RAD50: variants seen among roughly 807,000 people sequenced by gnomAD.
RAD50 encodes the protein RAD50 double strand break repair protein.
A neutral mutation model predicts 168.8 loss-of-function variants in RAD50; 132 were observed. That is an observed-to-expected ratio of 0.78 (90% confidence interval 0.68 to 0.90). The LOEUF (loss-of-function observed/expected upper bound fraction) is 0.90. RAD50 is among the 40% of genes least tolerant of loss of function. RAD50 has a pLI of 0.00. For synonymous variants in RAD50, 525 were observed against 497.4 expected (o/e 1.06, Z -0.74); for missense variants, 1,347 against 1,534.4 (o/e 0.88, Z 2.04).
chr5:132,575,844 T>G lies in RAD50; in HGVS notation c.281T>G (p.Ile94Arg), dbSNP rs768127412. ...LQFRDVNGEL[I>R]AVQRSMVCTQ... ...TTTCGTGATGTCAATGGAGAACTTA[T>G]AGCTGTGCAAAGATCTATGGTGTGT... The change falls in exon 3 of 25, where the codon ATA becomes AGA. Residue 94 changes from isoleucine to arginine, a missense_variant. By Grantham distance (97) the Ile-to-Arg change is moderately conservative (BLOSUM62 -3). This residue lies in a region of RAD50 where 703 missense variants were observed against 767.7 expected (regional missense o/e 0.92). Coordinates refer to ENST00000378823, the MANE Select transcript of RAD50 (RefSeq NM_005732.4). 2.5e-6 allele frequency: 4 copies of G among 1,603,032 alleles called. No homozygotes were observed. Among genetic ancestry groups the G allele is most frequent in the South Asian group, 1.1e-5 (1 of 90,860 alleles).
chr5:132,580,843 A>C (rs1219055895), intron 5 of RAD50, among the ~76,000 whole-genome samples: 1 of 152,138 alleles, frequency 6.6e-6, no homozygotes, highest in Non-Finnish European at 1.5e-5. Context: ...AAAAATGGCT[A>C]TTTGCTATGT....
chr5:132,613,492 A>G (rs1751122784), intron 19 of RAD50, among the ~76,000 whole-genome samples: 1 of 152,104 alleles, frequency 6.6e-6, no homozygotes, highest in Admixed American at 6.6e-5. Flanking sequence ...CACTGCTTAC[A>G]GTACAAAGGA....
rs1458900761 is a variant in RAD50, at chr5:132,579,343, C to CTT, written c.393_394insTT (p.Lys132LeufsTer10). The CTT allele has an allele frequency of 6.2e-7, 1 of 1,613,886 alleles. No homozygotes were observed. Among genetic ancestry groups the CTT allele is most frequent in the African/African-American group, 1.3e-5 (1 of 74,968 alleles). Reference sequence around the variant, plus strand: ...CATGGTGAAAAGGTCAGTCTGAGCTCTAAGTGTGCAGAAATTGACCGAGAA... The same window carrying CTT: ...CATGGTGAAAAGGTCAGTCTGAGCTCTTTAAGTGTGCAGAAATTGACCGAGAA... On this transcript the variant is annotated frameshift_variant, in exon 4 of 25. Transcript: ENST00000378823. LOFTEE classifies it high-confidence loss of function.
chr5:132,586,424 T>C (rs1447347012), intron 5 of RAD50, among the ~76,000 whole-genome samples: 2 of 152,248 alleles, frequency 1.3e-5, no homozygotes, highest in Non-Finnish European at 2.9e-5. Flanking sequence ...GTGATACCTG[T>C]GACTGTTGCT....
intron 21 of RAD50, among the ~76,000 whole-genome samples, chr5:132,629,436 GAGCCTGGCGGGGTGGAGAGGT>G (rs1751424123): frequency 6.6e-6 from 1 of 152,182 alleles, no homozygotes; most frequent in African/African-American, 2.4e-5. Context: ...GAGCTTGGTG[GAGCCTGGCGGGGTGGAGAGGT>G]ACAGGAGTGC....
intron 1 of RAD50, among the ~76,000 whole-genome samples, chr5:132,558,486 G>A (rs1175143094): frequency 6.6e-6 from 1 of 152,090 alleles, no homozygotes; most frequent in East Asian, 1.9e-4. Flanking sequence ...CGAGGCGGGT[G>A]GATCACCTGA....
chr5:132,572,152 A>G (rs1297807434), intron 2 of RAD50, among the ~76,000 whole-genome samples: 1 of 152,342 alleles, frequency 6.6e-6, no homozygotes, highest in Non-Finnish European at 1.5e-5. Flanking sequence ...CAATAGATAC[A>G]GAAAAAGCTT....
chr5:132,600,508 C>T (rs559141195), intron 13 of RAD50, among the ~76,000 whole-genome samples: 4 of 152,242 alleles, frequency 2.6e-5, no homozygotes, highest in East Asian at 1.9e-4. Context: ...ATCTTCTTTG[C>T]GGGAAATATT....
At chr5:132,605,808 A>C (rs1385284792) in intron 16 of RAD50, among the ~76,000 whole-genome samples, 1 of 152,190 alleles carries the variant, frequency 6.6e-6, no homozygotes, top group Admixed American at 6.5e-5. Context: ...TCAAATTAGA[A>C]CTCAGGATTA....
chr5:132,560,461 A>G (rs1004689004), intron 2 of RAD50, among the ~76,000 whole-genome samples: 2 of 152,158 alleles, frequency 1.3e-5, no homozygotes, highest in Non-Finnish European at 2.9e-5. Flanking sequence ...CCTCTCCATA[A>G]TGACTGTTTC....
At chr5:132,580,270 GTAGT>G (rs553204255) in intron 5 of RAD50, among the ~76,000 whole-genome samples, 3 of 152,262 alleles carry the variant, frequency 2.0e-5, no homozygotes, top group Non-Finnish European at 4.4e-5. Flanking sequence ...GTGATGTACA[GTAGT>G]TAATTTCTTG....
rs370373663 is a variant in RAD50, at chr5:132,640,845, T to C, written c.3752+40T>C. ...CACATGCTCTGGTTGAGTAAGTATCTCACATTTGGGGACAGGTTGTGATAG... is the reference window on the plus strand; with the variant it reads ...CACATGCTCTGGTTGAGTAAGTATCCCACATTTGGGGACAGGTTGTGATAG... On this transcript the variant is annotated intron_variant, in intron 24 of 24. Coordinates refer to ENST00000378823, the MANE Select transcript of RAD50 (RefSeq NM_005732.4). The C allele has an allele frequency of 1.9e-6, 3 of 1,612,984 alleles. No individual in the cohort carries two copies. The African/African-American group carries it at 4.0e-5, about 22-fold the overall frequency.
At chr5:132,603,002 T>G (rs1273721007) in intron 13 of RAD50, among the ~76,000 whole-genome samples, 1 of 152,222 alleles carries the variant, frequency 6.6e-6, no homozygotes, top group African/African-American at 2.4e-5. Flanking sequence ...GGCAGAAAGT[T>G]GAGAAGCAAG....
intron 17 of RAD50, 122 bp from the exon 18 acceptor site, chr5:132,608,995 A>T: frequency 7.1e-7 from 1 of 1,409,902 alleles, no homozygotes; most frequent in Admixed American, 2.5e-5. Flanking sequence ...CGATCATAAA[A>T]TTCAGTAGTG....
In RAD50 at chr5:132,589,632, A is replaced by T; in HGVS notation, c.1247A>T (p.Asn416Ile). The T allele has an allele frequency of 6.3e-7, 1 of 1,574,896 alleles. No homozygotes were observed. The highest frequency in any genetic ancestry group is 8.6e-7 in the Non-Finnish European group (1 of 1,159,046). Residue 416 changes from asparagine to isoleucine, a missense_variant and splice_region_variant, in exon 9 of 25, where the codon AAT becomes ATT. Transcript: ENST00000378823. ...GEAKTANQLM[N>I]DFAEKETLKQ... The stretch of plus-strand genomic sequence containing the variant: ...CTCATTCTTTACATATGCATTTAGA[A>T]TGACTTTGCAGAAAAAGAGACTCTG...
chr5:132,638,276 G>C (rs1561659677), intron 23 of RAD50, 53 bp downstream of exon 23: 1 of 1,605,310 alleles, frequency 6.2e-7, no homozygotes, highest in African/African-American at 1.3e-5. Flanking sequence ...CTGAAAGAGA[G>C]AAACAAACAT....
chr5:132,609,916 T>G (rs565324506), intron 19 of RAD50, among the ~76,000 whole-genome samples: 249 of 152,224 alleles, frequency 1.6e-3, no homozygotes, highest in Admixed American at 4.1e-3. Flanking sequence ...CCTCCCCTTC[T>G]CCTAATTCTC....
chr5:132,558,575 G>A (rs1360824403), intron 1 of RAD50, among the ~76,000 whole-genome samples: 2 of 152,100 alleles, frequency 1.3e-5, no homozygotes, highest in African/African-American at 4.8e-5. Context: ...GCCAGGCGTG[G>A]TGGCGCATGC....
chr5:132,613,084 G>T (rs941744245), intron 19 of RAD50, among the ~76,000 whole-genome samples: 2 of 151,730 alleles, frequency 1.3e-5, no homozygotes, highest in Non-Finnish European at 2.9e-5. Flanking sequence ...TCTCTCACAG[G>T]TATCTAGAAT....
Sources: gnomAD v4.1 joint callset for allele counts (sites outside exome capture counted in the v4.1 genomes callset) on GRCh38, gnomAD v4.1.1 for gene constraint, gnomAD v4.1.1 regional missense constraint, MANE v1.5 for transcripts, NCBI Gene and HGNC (gene_info 2026-07-23, HGNC 2026-07-21) for gene names.